ELMO1: variants seen among roughly 807,000 people sequenced by gnomAD.
ELMO1 encodes engulfment and cell motility protein 1.
Under a neutral mutation model 98.9 loss-of-function variants are expected in ELMO1, and 26 were observed. That is an observed-to-expected ratio of 0.26 (90% CI 0.19 to 0.36). The LOEUF (loss-of-function observed/expected upper bound fraction) is 0.36. Ranked by LOEUF, ELMO1 falls within the 10% of genes least tolerant of loss-of-function variation. The pLI is 1.00. For missense variants in ELMO1, 627 were observed against 935.2 expected (o/e 0.67, Z 4.30); for synonymous variants, 346 against 346.0 (o/e 1.00, Z 0.00).
At chr7:37,401,710 A>T (rs1803541253) in intron 1 of ELMO1, among the ~76,000 whole-genome samples, 1 of 152,186 alleles carries the variant, frequency 6.6e-6, no homozygotes, top group Admixed American at 6.5e-5. Context: ...TATCACGAGA[A>T]CAGCATGAGG....
chr7:37,415,196 T>C (rs1364252731), intron 1 of ELMO1, among the ~76,000 whole-genome samples: 1 of 152,242 alleles, frequency 6.6e-6, no homozygotes, highest in Non-Finnish European at 1.5e-5. Context: ...GGAATATCTC[T>C]CACTGCTTTC....
rs765555514 is a variant in ELMO1, at chr7:36,894,895, G to C, written c.1560C>G (p.Ser520=). 1.2e-6 allele frequency: 2 copies of C among 1,614,076 alleles called. No individual in the cohort carries two copies. Among genetic ancestry groups the C allele is most frequent in the Admixed American group, 1.7e-5 (1 of 60,022 alleles). Residue 520 remains serine, a synonymous_variant, in exon 17 of 22, where the codon TCC becomes TCG. Transcript: ENST00000310758. ...GGAAATCTTCCTGGTTCATCCTCTC[G>C]GACTGGCGGATTTTCAGGATCTCAG... is the stretch of plus-strand genomic sequence containing the variant. ...SYTEILKIRQ[S]ERMNQEDFQS... is the part of the protein sequence containing the mutation.
In ELMO1 at chr7:37,062,058, C is replaced by T. The variant is rs17170857; in HGVS notation, c.1300+34561G>A. Among the ~76,000 whole-genome samples, 1,025 of 152,246 alleles carry T rather than the reference C, an allele frequency of 6.7e-3. 33 individuals carry two copies. The East Asian group carries it at 0.08, about 12-fold the overall frequency. Reference sequence around the variant, plus strand: ...TGACATAGCAGCATCCTGTAATTACCCCTAAAGGCCATTTGATTTGATAAT... The same window carrying T: ...TGACATAGCAGCATCCTGTAATTACTCCTAAAGGCCATTTGATTTGATAAT... On this transcript the variant is annotated intron_variant, in intron 15 of 21. Transcript: ENST00000310758.
Position 37,194,976 on chromosome 7 carries a change from C to T in ELMO1, c.1086+16410G>A, listed in dbSNP as rs563085048. 4.4e-4 allele frequency among the ~76,000 whole-genome samples: 67 copies of T among 152,356 alleles called. No homozygotes were observed. The South Asian group carries it at 0.013, about 30-fold the overall frequency. On this transcript the variant is annotated intron_variant, in intron 13 of 21. Transcript: ENST00000310758. ...CCATATGCCTATCCAGTGGCAGGAA[C>T]TGTGCTGGGTGCAAGAGATGCAAAG... is the stretch of plus-strand genomic sequence containing the variant.
At chr7:37,336,091 G>A (rs1800389553) in intron 2 of ELMO1, among the ~76,000 whole-genome samples, 1 of 137,890 alleles carries the variant, frequency 7.3e-6, no homozygotes, top group African/African-American at 2.9e-5. Context: ...GCTGGTCATG[G>A]TGGTGCACAC....
chr7:37,323,846 C>G (rs140507167), intron 2 of ELMO1, among the ~76,000 whole-genome samples: 1 of 152,158 alleles, frequency 6.6e-6, no homozygotes, highest in Non-Finnish European at 1.5e-5. Flanking sequence ...ACCCATTATG[C>G]GGATCCATGG....
At chr7:37,435,995 G>T (rs1253666123) in intron 1 of ELMO1, among the ~76,000 whole-genome samples, 1 of 152,154 alleles carries the variant, frequency 6.6e-6, no homozygotes, top group Non-Finnish European at 1.5e-5. Context: ...TGGCAGCAGG[G>T]GTATGTACCA....
intron 6 of ELMO1, among the ~76,000 whole-genome samples, chr7:37,252,079 A>G (rs913667772): frequency 2.0e-5 from 3 of 152,218 alleles, no homozygotes; most frequent in African/African-American, 2.4e-5. Flanking sequence ...AGGAAATAAG[A>G]GAGGACACAA....
At chr7:36,878,331 C>G (rs1804137912) in intron 18 of ELMO1, among the ~76,000 whole-genome samples, 1 of 152,042 alleles carries the variant, frequency 6.6e-6, no homozygotes, top group African/African-American at 2.4e-5. Context: ...ATTTGGTAAC[C>G]ATTAGTAAAG....
At chr7:37,000,964 C>CACACACACACAT (rs3054255) in intron 16 of ELMO1, among the ~76,000 whole-genome samples, 2 of 151,770 alleles carry the variant, frequency 1.3e-5, no homozygotes, top group African/African-American at 4.8e-5. Flanking sequence ...CACACACACA[C>CACACACACACAT]GTTTTTTAAC....
intron 16 of ELMO1, among the ~76,000 whole-genome samples, chr7:36,948,768 AAG>A (rs1787725195): frequency 6.6e-6 from 1 of 152,198 alleles, no homozygotes; most frequent in East Asian, 1.9e-4. Context: ...TATATACATC[AAG>A]ACGCAAAAGG....
intron 2 of ELMO1, among the ~76,000 whole-genome samples, chr7:37,337,311 G>A (rs1393206016): frequency 6.6e-6 from 1 of 152,032 alleles, no homozygotes. Context: ...TCACTCATAG[G>A]TGGGAATTGA....
At chr7:37,281,012 AAT>A (rs1554288330) in intron 4 of ELMO1, among the ~76,000 whole-genome samples, 1 of 108,772 alleles carries the variant, frequency 9.2e-6, no homozygotes, top group African/African-American at 3.2e-5. Flanking sequence ...TATATATATA[AAT>A]ATATATATAT....
At chr7:37,366,511 C>T (rs1416073946) in intron 1 of ELMO1, among the ~76,000 whole-genome samples, 1 of 152,196 alleles carries the variant, frequency 6.6e-6, no homozygotes, top group Non-Finnish European at 1.5e-5. Context: ...AATCTCCCAA[C>T]ACCTAGAGTT....
chr7:37,124,119 T>C (rs998667411), intron 14 of ELMO1, among the ~76,000 whole-genome samples: 1 of 152,176 alleles, frequency 6.6e-6, no homozygotes, highest in Non-Finnish European at 1.5e-5. Flanking sequence ...AAATTAGGTA[T>C]TGATGGGACG....
intron 1 of ELMO1, among the ~76,000 whole-genome samples, chr7:37,423,933 G>A (rs1177428168): frequency 6.6e-6 from 1 of 152,154 alleles, no homozygotes; most frequent in Non-Finnish European, 1.5e-5. Flanking sequence ...TAAACTAAAT[G>A]ATCTGCTCTG....
At chr7:37,014,977 T>C (rs931462255) in intron 15 of ELMO1, among the ~76,000 whole-genome samples, 1 of 152,034 alleles carries the variant, frequency 6.6e-6, no homozygotes, top group African/African-American at 2.4e-5. Context: ...CACTCAAGGA[T>C]ACACGGCTAC....
At chr7:37,165,786 G>A (rs1789634275) in intron 13 of ELMO1, among the ~76,000 whole-genome samples, 1 of 152,162 alleles carries the variant, frequency 6.6e-6, no homozygotes, top group Non-Finnish European at 1.5e-5. Flanking sequence ...AAGGATATTG[G>A]TTTAAAATTC....
intron 16 of ELMO1, among the ~76,000 whole-genome samples, chr7:36,916,937 G>C (rs17170782): frequency 2.0e-5 from 3 of 152,044 alleles, no homozygotes; most frequent in Non-Finnish European, 4.4e-5. Context: ...AGCTTAATGA[G>C]GGCCAAAGCT....
Sources: allele counts gnomAD v4.1 joint callset (sites outside exome capture counted in the v4.1 genomes callset), GRCh38; gene constraint gnomAD v4.1.1; transcripts MANE v1.5; gene names NCBI Gene and HGNC (gene_info 2026-07-23, HGNC 2026-07-21).